Variants in ITIH5 observed in about 807,000 individuals in gnomAD.
The protein encoded by ITIH5 is inter-alpha-trypsin inhibitor heavy chain H5.
In ITIH5, 65 loss-of-function variants were observed where a neutral mutation model predicts 77.5. The observed-to-expected ratio is 0.84, with a 90% CI of 0.69 to 1.03. ITIH5 has a LOEUF of 1.03. Ranked by LOEUF, ITIH5 falls within the 50% of genes least tolerant of loss-of-function variation. The probability of loss-of-function intolerance (pLI) is 0.00; values close to 1 mark genes in which losing one functional copy is unlikely to be tolerated. For synonymous variants in ITIH5, 525 were observed against 494.3 expected, an observed-to-expected ratio of 1.06 and a Z score of -0.82; for missense variants, 1,208 against 1,213.1, an observed-to-expected ratio of 1.00 and a Z score of 0.06.
At position 7,662,282 on chromosome 10, in the gene ITIH5, G is replaced by A. The variant is rs560409909; in HGVS notation, c.90+4521C>T. Among the ~76,000 whole-genome samples the A allele has an allele frequency of 9.1e-4, 138 of 152,112 alleles. 1 individual carries two copies. Among genetic ancestry groups the A allele is most frequent in the African/African-American group, 3.1e-3 (130 of 41,506 alleles). On this transcript the variant is annotated intron_variant, in intron 1 of 13. Coordinates refer to ENST00000397146, the MANE Select transcript of ITIH5 (RefSeq NM_030569.7). ...TGAGGCAGGAGAATTGCTTGAATCC[G>A]GGAGGCGGAGGTTGCAGTGAGCCAA...
intron 13 of ITIH5, among the ~76,000 whole-genome samples, chr10:7,565,282 C>A (rs1236158222): frequency 7.1e-6 from 1 of 141,054 alleles, no homozygotes; most frequent in African/African-American, 2.6e-5. Context: ...TACATATATA[C>A]ACACACCATA....
At chr10:7,606,054 C>A (rs576529476) in intron 7 of ITIH5, among the ~76,000 whole-genome samples, 1 of 152,260 alleles carries the variant, frequency 6.6e-6, no homozygotes, top group African/African-American at 2.4e-5. Flanking sequence ...CACAGAGTGC[C>A]CACATTCAGA....
At chr10:7,589,224 G>A (rs1221007261) in intron 7 of ITIH5, among the ~76,000 whole-genome samples, 2 of 152,230 alleles carry the variant, frequency 1.3e-5, no homozygotes, top group Admixed American at 1.3e-4. Flanking sequence ...TTGGGAGGCT[G>A]AGGCGGGCAA....
At chr10:7,641,398 T>C (rs1833882262) in intron 3 of ITIH5, among the ~76,000 whole-genome samples, 1 of 152,040 alleles carries the variant, frequency 6.6e-6, no homozygotes, top group African/African-American at 2.4e-5. Flanking sequence ...ATCTCATTTA[T>C]TCTTTGTTCA....
intron 2 of ITIH5, among the ~76,000 whole-genome samples, chr10:7,654,803 C>T (rs185593890): frequency 1.3e-5 from 2 of 152,262 alleles, no homozygotes; most frequent in Admixed American, 1.3e-4. Context: ...AGCCCCTTCA[C>T]AGTTCTTGAC....
rs1201212249 is a variant in ITIH5, at chr10:7,559,471, T to A, written c.*3612A>T. ...AAATAAATATTTAAAGCTACATTTA[T>A]AAGTATTTGCTTAGCTGTGTTATTT... is the stretch of plus-strand genomic sequence containing the variant. On this transcript the variant is annotated 3_prime_UTR_variant, in exon 14 of 14. Coordinates refer to ENST00000397146, the MANE Select transcript of ITIH5 (RefSeq NM_030569.7). 1.3e-5 allele frequency: 2 copies of A among 156,938 alleles called. No individual in the cohort carries two copies. The highest frequency in any genetic ancestry group is 2.8e-5 in the Non-Finnish European group (2 of 71,258). 9.7% of individuals were successfully genotyped at this position (156,938 alleles called of 1,614,324 possible).
chr10:7,649,301 C>A (rs1834056051), intron 2 of ITIH5, among the ~76,000 whole-genome samples: 1 of 151,558 alleles, frequency 6.6e-6, no homozygotes, highest in African/African-American at 2.4e-5. Context: ...CTTCCTTCTT[C>A]TTCTTTCCCT....
At chr10:7,636,109 T>C (rs1241367991) in intron 5 of ITIH5, among the ~76,000 whole-genome samples, 1 of 152,166 alleles carries the variant, frequency 6.6e-6, no homozygotes, top group Non-Finnish European at 1.5e-5. Context: ...TATATACTAT[T>C]AGCTGAAATT....
intron 2 of ITIH5, among the ~76,000 whole-genome samples, chr10:7,643,286 C>G (rs924769702): frequency 3.9e-5 from 6 of 152,148 alleles, no homozygotes; most frequent in African/African-American, 1.4e-4. Context: ...GCCACATGGT[C>G]TATAGAATTT....
intron 5 of ITIH5, 104 bp from the exon 6 acceptor site, chr10:7,617,386 A>T (rs746416864): frequency 1.1e-5 from 8 of 719,672 alleles, no homozygotes; most frequent in Non-Finnish European, 1.7e-5. Context: ...ATTTTATTAC[A>T]GGCTTGTATT....
chr10:7,612,172 C>T (rs184595341), intron 7 of ITIH5, among the ~76,000 whole-genome samples: 5 of 152,132 alleles, frequency 3.3e-5, no homozygotes, highest in African/African-American at 7.2e-5. Context: ...ACAGTCATCC[C>T]GATGGGGTTT....
chr10:7,666,943 AG>A lies in ITIH5; in HGVS notation c.-52del. The A allele has an allele frequency of 6.8e-7, 1 of 1,466,058 alleles. No individual in the cohort carries two copies. 90.8% of individuals were successfully genotyped at this position (1,466,058 alleles called of 1,614,324 possible). On this transcript the variant is annotated 5_prime_UTR_variant, in exon 1 of 14. Transcript: ENST00000397146. ...GGGGACCCGGCGGGACACGCTTTGC[AG>A]CGCCCAGGGCTCCAGCCACTGCGGG...
chr10:7,585,853 ACAT>A (rs1564245444), intron 8 of ITIH5, 45 bp downstream of exon 8: 1 of 1,508,624 alleles, frequency 6.6e-7, no homozygotes, highest in South Asian at 1.3e-5. Flanking sequence ...AAAAAAAAAA[ACAT>A]TATTTCAAAG....
intron 5 of ITIH5, among the ~76,000 whole-genome samples, chr10:7,634,740 T>C (rs1833772806): frequency 6.6e-6 from 1 of 152,016 alleles, no homozygotes; most frequent in African/African-American, 2.4e-5. Flanking sequence ...GCAACAGGAC[T>C]CCCCTCTGAA....
intron 11 of ITIH5, chr10:7,570,456 A>G (rs537878774): frequency 6.6e-6 from 1 of 152,290 alleles, no homozygotes; most frequent in Admixed American, 6.5e-5. Flanking sequence ...TGAGACCGCA[A>G]AGTTCAGCTG....
At chr10:7,640,490 A>G (rs1340972401) in intron 4 of ITIH5, among the ~76,000 whole-genome samples, 1 of 151,716 alleles carries the variant, frequency 6.6e-6, no homozygotes, top group African/African-American at 2.4e-5. Context: ...AAAAAAAAAA[A>G]AGGAAAACTG....
chr10:7,634,430 A>G (rs1178537628), intron 5 of ITIH5, among the ~76,000 whole-genome samples: 1 of 152,226 alleles, frequency 6.6e-6, no homozygotes, highest in Non-Finnish European at 1.5e-5. Flanking sequence ...CGTCCACTGC[A>G]CCTGGCTCTG....
Position 7,560,019 on chromosome 10 carries a change from T to G in ITIH5, c.*3064A>C. ...GGCACGCACCACCACGCCCAGCTAA[T>G]TTTTGTATTTTTAGTAGAGACGAGG... is the stretch of plus-strand genomic sequence containing the variant. On this transcript the variant is annotated 3_prime_UTR_variant, in exon 14 of 14. Coordinates refer to ENST00000397146, the MANE Select transcript of ITIH5 (RefSeq NM_030569.7). 1 of 344,226 alleles carries G rather than the reference T, an allele frequency of 2.9e-6. No homozygotes were observed. The highest frequency in any genetic ancestry group is 5.6e-6 in the Non-Finnish European group (1 of 177,614). 21.3% of individuals were successfully genotyped at this position (344,226 alleles called of 1,614,324 possible).
intron 1 of ITIH5, among the ~76,000 whole-genome samples, chr10:7,657,688 A>G (rs183998703): frequency 3.3e-5 from 5 of 152,342 alleles, no homozygotes; most frequent in Admixed American, 1.3e-4. Flanking sequence ...TTGTTCTCCA[A>G]ATATATTCCT....
Sources: allele counts gnomAD v4.1 joint callset (sites outside exome capture counted in the v4.1 genomes callset), GRCh38; gene constraint gnomAD v4.1.1; transcripts MANE v1.5; gene names NCBI Gene and HGNC (gene_info 2026-07-23, HGNC 2026-07-21).